PTPRD: variants seen among roughly 807,000 people sequenced by gnomAD.
The protein encoded by PTPRD is receptor-type tyrosine-protein phosphatase delta.
In PTPRD, 34 loss-of-function variants were observed where a neutral mutation model predicts 214.5. That is an observed-to-expected ratio of 0.16 (90% CI 0.12 to 0.21). PTPRD has a LOEUF of 0.21. Ranked by LOEUF, PTPRD falls within the 10% of genes least tolerant of loss-of-function variation. The pLI, the probability that PTPRD is intolerant of heterozygous loss-of-function variation, is 1.00. For synonymous variants in PTPRD, 1,128 were observed against 845.7 expected (o/e 1.33, Z -5.79); for missense variants, 2,545 against 2,398.7 (o/e 1.06, Z -1.27).
At chr9:9,585,453 C>T (rs1357864145) in intron 7 of PTPRD, among the ~76,000 whole-genome samples, 1 of 152,080 alleles carries the variant, frequency 6.6e-6, no homozygotes, top group Non-Finnish European at 1.5e-5. Flanking sequence ...GGCCTAGGTG[C>T]TACTTTCCAA....
At chr9:9,273,583 G>A (rs1301949091) in intron 9 of PTPRD, among the ~76,000 whole-genome samples, 1 of 151,264 alleles carries the variant, frequency 6.6e-6, no homozygotes. Flanking sequence ...ACATTTTAAT[G>A]TTTTCTTCAC....
intron 11 of PTPRD, among the ~76,000 whole-genome samples, chr9:8,789,883 G>C (rs551388666): frequency 3.3e-5 from 5 of 152,258 alleles, no homozygotes; most frequent in Admixed American, 2.6e-4. Context: ...CTTTGAATCT[G>C]GAGGGTAGAA....
intron 3 of PTPRD, among the ~76,000 whole-genome samples, chr9:10,280,792 T>G (rs2095059974): frequency 6.6e-6 from 1 of 151,502 alleles, no homozygotes; most frequent in African/African-American, 2.4e-5. Flanking sequence ...TTTTTTTATT[T>G]TCTGTAGAGA....
intron 9 of PTPRD, among the ~76,000 whole-genome samples, chr9:9,291,454 T>A (rs568922048): frequency 2.6e-4 from 40 of 151,548 alleles, no homozygotes; most frequent in Admixed American, 7.9e-4. Context: ...CTGCAAAACA[T>A]CTTAACCTTT....
intron 2 of PTPRD, among the ~76,000 whole-genome samples, chr9:10,446,789 A>G (rs1042008418): frequency 1.3e-5 from 2 of 152,138 alleles, no homozygotes; most frequent in African/African-American, 4.8e-5. Flanking sequence ...GGGTATTTAA[A>G]AGGAAACTGG....
At chr9:8,940,280 C>CCTTTGTTTTTTTTTTTTTTTTTTTTTTT (rs763715400) in intron 11 of PTPRD, among the ~76,000 whole-genome samples, 1 of 89,050 alleles carries the variant, frequency 1.1e-5, no homozygotes. Flanking sequence ...TCTCTCTCTC[C>CCTTTGTTTTTTTTTTTTTTTTTTTTTTT]TTTTTTTTTT....
chr9:10,222,937 A>G (rs1281731153), intron 3 of PTPRD, among the ~76,000 whole-genome samples: 1 of 152,076 alleles, frequency 6.6e-6, no homozygotes, highest in Admixed American at 6.6e-5. Flanking sequence ...GGTGGAGGGC[A>G]GTGGTAGTGG....
intron 3 of PTPRD, among the ~76,000 whole-genome samples, chr9:10,135,111 C>G (rs10958912): frequency 0.25 from 37,335 of 152,014 alleles, 4,849 homozygotes; most frequent in South Asian, 0.39. Context: ...AATAGACCAA[C>G]CTGAGGAAAG....
At chr9:8,355,999 A>T (rs565968522) in intron 39 of PTPRD, among the ~76,000 whole-genome samples, 2 of 152,338 alleles carry the variant, frequency 1.3e-5, no homozygotes, top group South Asian at 2.1e-4. Flanking sequence ...ACATAAATTT[A>T]AAAAAATCAA....
chr9:9,247,875 C>T (rs983617287), intron 9 of PTPRD, among the ~76,000 whole-genome samples: 9 of 152,072 alleles, frequency 5.9e-5, no homozygotes, highest in African/African-American at 1.9e-4. Flanking sequence ...GATCACCATA[C>T]ATTTCATTTG....
At chr9:9,044,531 G>T (rs1038297029) in intron 10 of PTPRD, among the ~76,000 whole-genome samples, 18 of 152,166 alleles carry the variant, frequency 1.2e-4, no homozygotes, top group African/African-American at 4.3e-4. Flanking sequence ...ACTAGTTTAG[G>T]CATTTCTGTT....
chr9:8,797,052 G>A (rs2096450043), intron 11 of PTPRD: 1 of 151,938 alleles, frequency 6.6e-6, no homozygotes, highest in Non-Finnish European at 1.5e-5. Context: ...GGGATAAACT[G>A]AAAACTGCCA....
chr9:9,327,296 C>T (rs755262817), intron 9 of PTPRD, among the ~76,000 whole-genome samples: 4 of 152,090 alleles, frequency 2.6e-5, no homozygotes, highest in Non-Finnish European at 5.9e-5. Flanking sequence ...TGGAATATTC[C>T]CTGTTCTAGT....
At chr9:10,590,908 A>G (rs924648772) in intron 2 of PTPRD, among the ~76,000 whole-genome samples, 12 of 150,188 alleles carry the variant, frequency 8.0e-5, no homozygotes, top group Non-Finnish European at 1.3e-4. Flanking sequence ...TATAAAATAT[A>G]TATAAATTAT....
In PTPRD at chr9:9,959,732, G is replaced by A. The variant is rs1226774764; in HGVS notation, c.-471-21122C>T. Among the ~76,000 whole-genome samples the A allele has an allele frequency of 2.6e-5, 4 of 152,130 alleles. No homozygotes were observed. The East Asian group carries it at 7.7e-4, about 29-fold the overall frequency. Reference sequence around the variant, plus strand: ...CCACAGGGTACAGGTTAACAATTCTGATACTGCTACATGAATGTATTGGAA... The same window carrying A: ...CCACAGGGTACAGGTTAACAATTCTAATACTGCTACATGAATGTATTGGAA... On this transcript the variant is annotated intron_variant, in intron 4 of 45. Transcript: ENST00000381196.
intron 10 of PTPRD, among the ~76,000 whole-genome samples, chr9:9,153,835 A>G (rs999426581): frequency 6.6e-6 from 1 of 152,180 alleles, no homozygotes; most frequent in Non-Finnish European, 1.5e-5. Context: ...GTCTCCTCAG[A>G]CCAGACCTTC....
chr9:9,376,236 G>A (rs1231526505), intron 9 of PTPRD, among the ~76,000 whole-genome samples: 1 of 152,006 alleles, frequency 6.6e-6, no homozygotes, highest in East Asian at 1.9e-4. Context: ...TATATGTATA[G>A]GATAGGTAAA....
At chr9:8,620,530 G>C (rs1057272630) in intron 14 of PTPRD, among the ~76,000 whole-genome samples, 1 of 151,990 alleles carries the variant, frequency 6.6e-6, no homozygotes, top group African/African-American at 2.4e-5. Context: ...TGGTGGTACT[G>C]TTCAAATGCA....
rs2060286921 is a variant in PTPRD at position 9,850,246 on chromosome 9, T to C, written c.-367-83395A>G. Among the ~76,000 whole-genome samples the C allele has an allele frequency of 1.3e-5, 2 of 152,290 alleles. 1 individual carries two copies. The highest frequency in any genetic ancestry group is 4.1e-4 in the South Asian group (2 of 4,830). ...ATCTTTCCTGTGATGCTTTGTGGGT[T>C]TCAGACGCATTCTAAACTTGAGGCT... is the stretch of plus-strand genomic sequence containing the variant. On this transcript the variant is annotated intron_variant, in intron 5 of 45. Transcript: ENST00000381196.
Sources: allele counts gnomAD v4.1 joint callset (sites outside exome capture counted in the v4.1 genomes callset), GRCh38; gene constraint gnomAD v4.1.1; transcripts MANE v1.5; gene names NCBI Gene and HGNC (gene_info 2026-07-23, HGNC 2026-07-21).